Variants in FRMD4A observed in about 807,000 individuals in gnomAD.
FRMD4A encodes the protein FERM domain-containing protein 4A.
Under a neutral mutation model 129.1 loss-of-function variants are expected in FRMD4A, and 29 were observed. The observed-to-expected ratio is 0.22, with a 90% CI of 0.17 to 0.31. FRMD4A has a LOEUF of 0.31. Ranked by LOEUF, FRMD4A falls within the 10% of genes least tolerant of loss-of-function variation. The pLI is 1.00. For missense variants in FRMD4A, 1,272 were observed against 1,375.8 expected (o/e 0.92, Z 1.19); for synonymous variants, 634 against 571.6 (o/e 1.11, Z -1.56).
intron 2 of FRMD4A, among the ~76,000 whole-genome samples, chr10:13,900,551 C>G (rs773157157): frequency 4.0e-4 from 61 of 152,160 alleles, no homozygotes; most frequent in Non-Finnish European, 6.9e-4. Flanking sequence ...CAAGTACCTT[C>G]GGCTAGCTCT....
chr10:14,302,818 C>T (rs2132092324), intron 2 of FRMD4A, among the ~76,000 whole-genome samples: 1 of 152,270 alleles, frequency 6.6e-6, no homozygotes, highest in Middle Eastern at 3.4e-3. Flanking sequence ...CAGGTGGTCA[C>T]CAGCCAAGAA....
chr10:14,068,753 T>G (rs1198670496), intron 2 of FRMD4A, among the ~76,000 whole-genome samples: 3 of 152,220 alleles, frequency 2.0e-5, no homozygotes, highest in African/African-American at 7.2e-5. Context: ...TTAAGACACT[T>G]ACTATATTAG....
rs1004955549 is a variant in FRMD4A at position 13,947,880 on chromosome 10, C to CA, written c.46-88969dup. On this transcript the variant is annotated intron_variant, in intron 2 of 24. Coordinates refer to ENST00000357447, the MANE Select transcript of FRMD4A (RefSeq NM_018027.5). ...ATATTCTGGCCTGTGCATGTCCACT[C>CA]AAAAAAAATAAGCAAAAAAATAAAA... Among the ~76,000 whole-genome samples the CA allele has an allele frequency of 5.3e-5, 8 of 151,418 alleles. No homozygotes were observed. In the South Asian group the frequency reaches 1.0e-3, roughly 20 times the overall value.
chr10:14,013,903 C>G (rs984037202), intron 2 of FRMD4A, among the ~76,000 whole-genome samples: 54 of 152,296 alleles, frequency 3.5e-4, no homozygotes, highest in African/African-American at 1.3e-3. Context: ...TGCACTCCAG[C>G]CTGGGCAACA....
At chr10:14,250,868 C>T (rs532086876) in intron 2 of FRMD4A, among the ~76,000 whole-genome samples, 91 of 152,236 alleles carry the variant, frequency 6.0e-4, no homozygotes, top group Non-Finnish European at 1.1e-3. Context: ...CCAGCACCTA[C>T]AGGGCTAATA....
At chr10:13,769,960 A>T (rs1005195195) in intron 6 of FRMD4A, among the ~76,000 whole-genome samples, 2 of 152,092 alleles carry the variant, frequency 1.3e-5, no homozygotes, top group Non-Finnish European at 2.9e-5. Flanking sequence ...TGCAGACAGC[A>T]GACTGTGGGA....
chr10:13,919,678 C>T (rs1340901874), intron 2 of FRMD4A, among the ~76,000 whole-genome samples: 2 of 152,162 alleles, frequency 1.3e-5, no homozygotes, highest in East Asian at 3.9e-4. Context: ...TGGCTGAAGC[C>T]TGTAATCCCA....
intron 2 of FRMD4A, among the ~76,000 whole-genome samples, chr10:14,206,715 G>C (rs1289451061): frequency 6.9e-6 from 1 of 145,544 alleles, no homozygotes; most frequent in Non-Finnish European, 1.5e-5. Flanking sequence ...GCTGAGGCTC[G>C]AGAATCACTT....
intron 2 of FRMD4A, among the ~76,000 whole-genome samples, chr10:14,028,508 C>T (rs1833085687): frequency 6.6e-6 from 1 of 152,130 alleles, no homozygotes; most frequent in Admixed American, 6.5e-5. Context: ...TGCTCTGATC[C>T]CTTGTCCACC....
intron 15 of FRMD4A, among the ~76,000 whole-genome samples, chr10:13,688,946 G>A (rs188454700): frequency 5.9e-5 from 9 of 152,088 alleles, no homozygotes; most frequent in African/African-American, 2.2e-4. Flanking sequence ...TCGAACTCCT[G>A]CCTGCCTTGG....
rs71479851 is a variant in FRMD4A, at chr10:13,923,486, G to T, written c.46-64574C>A. Among the ~76,000 whole-genome samples, 735 of 152,244 alleles carry T rather than the reference G, an allele frequency of 4.8e-3. 1 individual carries two copies. The highest frequency in any genetic ancestry group is 0.011 in the South Asian group (52 of 4,820). The stretch of plus-strand genomic sequence containing the variant: ...ACAATGCTTCTGCTCACACATGTGT[G>T]CACATACGTACACACACATAAACCG... On this transcript the variant is annotated intron_variant, in intron 2 of 24. Coordinates refer to ENST00000357447, the MANE Select transcript of FRMD4A (RefSeq NM_018027.5).
chr10:13,647,410 CCAGGTGATTCT>C (rs1365641374), intron 24 of FRMD4A: 2 of 152,204 alleles, frequency 1.3e-5, no homozygotes, highest in Non-Finnish European at 2.9e-5. Flanking sequence ...AAGCTCCCCA[CCAGGTGATTCT>C]CAGATGCAGC....
At chr10:14,181,496 G>A (rs1589135769) in intron 2 of FRMD4A, among the ~76,000 whole-genome samples, 3 of 152,270 alleles carry the variant, frequency 2.0e-5, no homozygotes, top group African/African-American at 7.2e-5. Flanking sequence ...GCAGTTGGAT[G>A]TTCCTGCAAA....
At chr10:13,927,987 G>A (rs1417350021) in intron 2 of FRMD4A, among the ~76,000 whole-genome samples, 1 of 150,826 alleles carries the variant, frequency 6.6e-6, no homozygotes, top group African/African-American at 2.4e-5. Flanking sequence ...ATTCAGCTGG[G>A]AGGAAAAGGA....
chr10:13,699,566 C>G (rs1482967186), intron 14 of FRMD4A, among the ~76,000 whole-genome samples: 3 of 152,204 alleles, frequency 2.0e-5, no homozygotes, highest in Non-Finnish European at 4.4e-5. Flanking sequence ...GGAGCTTGAA[C>G]AGCCAATGCT....
intron 2 of FRMD4A, among the ~76,000 whole-genome samples, chr10:13,977,483 C>T (rs774418443): frequency 9.8e-5 from 15 of 152,288 alleles, no homozygotes; most frequent in Non-Finnish European, 1.3e-4. Context: ...CTCTTAAAAA[C>T]GTAAAAATAC....
chr10:14,203,293 G>A (rs570117144), intron 2 of FRMD4A, among the ~76,000 whole-genome samples: 2 of 152,166 alleles, frequency 1.3e-5, no homozygotes, highest in African/African-American at 2.4e-5. Context: ...TGACTACAAC[G>A]TCGTTTCCCC....
intron 2 of FRMD4A, among the ~76,000 whole-genome samples, chr10:14,255,779 G>A (rs1022174919): frequency 1.3e-5 from 2 of 152,148 alleles, no homozygotes; most frequent in South Asian, 4.1e-4. Flanking sequence ...GCCGAGGCAG[G>A]TGGATCACTT....
Position 13,856,013 on chromosome 10 carries a change from ACTATCTATCTATCTATCTAT to A in FRMD4A, c.111+2814_111+2833del, listed in dbSNP as rs67479789. Among the ~76,000 whole-genome samples the A allele has an allele frequency of 2.7e-3, 395 of 147,948 alleles. 6 individuals carry two copies. The highest frequency in any genetic ancestry group is 0.021 in the Admixed American group (316 of 14,706). ...TGTATTTAGCTTACCACACACAAATACTATCTATCTATCTATCTATCTATCTATCTATCTATCTATCTATC... is the reference window on the plus strand; with the variant it reads ...TGTATTTAGCTTACCACACACAAATACTATCTATCTATCTATCTATCTATC... On this transcript the variant is annotated intron_variant, in intron 3 of 24. Transcript: ENST00000357447.
Sources: gnomAD v4.1 joint callset for allele counts (sites outside exome capture counted in the v4.1 genomes callset) on GRCh38, gnomAD v4.1.1 for gene constraint, MANE v1.5 for transcripts, NCBI Gene and HGNC (gene_info 2026-07-23, HGNC 2026-07-21) for gene names.